ADCY3: variants seen among roughly 807,000 people sequenced by gnomAD.
ADCY3 encodes the protein adenylate cyclase 3, also known as adenylate cyclase type 3.
ADCY3 carries 70 observed loss-of-function variants against 119.4 expected under a neutral mutation model. The ratio of observed to expected loss-of-function variants is 0.59; its 90% confidence interval spans 0.48 to 0.72. The LOEUF is 0.72. Among genes scored for constraint, ADCY3 ranks in the 30% least tolerant of loss-of-function variants. ADCY3 has a pLI of 0.00. For synonymous variants in ADCY3, 672 were observed against 621.4 expected, an observed-to-expected ratio of 1.08 and a Z score of -1.21; for missense variants, 1,238 against 1,541.6, an observed-to-expected ratio of 0.80 and a Z score of 3.30.
intron 2 of ADCY3, among the ~76,000 whole-genome samples, chr2:24,879,603 T>A (rs907472792): frequency 2.0e-5 from 3 of 152,038 alleles, no homozygotes; most frequent in Admixed American, 6.6e-5. Flanking sequence ...TTTACAAGAA[T>A]CTTCATGTTC....
intron 2 of ADCY3, among the ~76,000 whole-genome samples, chr2:24,909,057 A>T (rs1057243904): frequency 1.3e-5 from 2 of 152,190 alleles, no homozygotes; most frequent in Non-Finnish European, 2.9e-5. Flanking sequence ...TCTTCTCCAG[A>T]TCTTGAGTAC....
rs1014914682 is a variant in ADCY3 at position 24,841,692 on chromosome 2, G to T, written c.957-25C>A. On this transcript the variant is annotated intron_variant, in intron 4 of 21. Coordinates refer to ENST00000679454, the MANE Select transcript of ADCY3 (RefSeq NM_004036.5). This position sits in a 1 kb window ranked among gnomAD's most constrained non-coding sequence, Gnocchi z 5.8. The stretch of plus-strand genomic sequence containing the variant: ...GCTGCATGAGGAAGGAACCGTGGGG[G>T]TGACGCTCCAGGCAGCCAGGTGTAC... 1.3e-6 allele frequency: 2 copies of T among 1,590,896 alleles called. No homozygotes were observed. The highest frequency in any genetic ancestry group is 2.7e-5 in the African/African-American group (2 of 74,584).
Position 24,834,444 on chromosome 2 carries a change from CAG to C in ADCY3, c.1967+39_1967+40del. 3 of 1,485,946 alleles carry C rather than the reference CAG, an allele frequency of 2.0e-6. No homozygotes were observed. Among genetic ancestry groups the C allele is most frequent in the South Asian group, 1.2e-5 (1 of 85,452 alleles). The allele number at this position is 1,485,946 out of a possible 1,614,324, so 92.0% of individuals were successfully genotyped here. On this transcript the variant is annotated intron_variant, in intron 11 of 21. Coordinates refer to ENST00000679454, the MANE Select transcript of ADCY3 (RefSeq NM_004036.5). The surrounding 1 kb of genome is among the most constrained non-coding windows in gnomAD (Gnocchi z 4.2). ...CCCCGCCCCCCGCCCGGCACCACCGCAGCCGAGGAAACTCGTGGCCCTCCCCG... is the reference window on the plus strand; with the variant it reads ...CCCCGCCCCCCGCCCGGCACCACCGCCCGAGGAAACTCGTGGCCCTCCCCG...
chr2:24,825,015 T>C (rs910123338), intron 16 of ADCY3, among the ~76,000 whole-genome samples: 1 of 152,138 alleles, frequency 6.6e-6, no homozygotes, highest in Admixed American at 6.5e-5. Context: ...GGCCACCCAA[T>C]AGTGGTGCGG....
chr2:24,819,885 AAAT>A lies in ADCY3; in HGVS notation c.*44_*46del. 2 of 1,590,798 alleles carry A rather than the reference AAAT, an allele frequency of 1.3e-6. No homozygotes were observed. Among genetic ancestry groups the A allele is most frequent in the Non-Finnish European group, 1.7e-6 (2 of 1,167,108 alleles). ...GGTCGGGACTTCCTTCAGTTTCAAA[AAAT>A]AAATTCTCCCTTCCGGTTTGGACTG... On this transcript the variant is annotated 3_prime_UTR_variant, in exon 22 of 22. Coordinates refer to ENST00000679454, the MANE Select transcript of ADCY3 (RefSeq NM_004036.5).
At chr2:24,850,592 C>T (rs745686598) in intron 3 of ADCY3, among the ~76,000 whole-genome samples, 7 of 152,206 alleles carry the variant, frequency 4.6e-5, no homozygotes, top group Non-Finnish European at 8.8e-5. Context: ...CTATACGTTT[C>T]AAGAGTCACA....
chr2:24,840,924 G>T (rs546561147), intron 6 of ADCY3, among the ~76,000 whole-genome samples: 1 of 152,232 alleles, frequency 6.6e-6, no homozygotes, highest in African/African-American at 2.4e-5. Context: ...GAGATGGGGA[G>T]CCCCTGTGGG....
intron 14 of ADCY3, 84 bp from the exon 15 acceptor site, chr2:24,827,692 C>G: frequency 6.8e-7 from 1 of 1,469,758 alleles, no homozygotes; most frequent in Non-Finnish European, 9.3e-7. Flanking sequence ...ATCCCAAGTC[C>G]TCCACTCGGG....
intron 3 of ADCY3, among the ~76,000 whole-genome samples, chr2:24,868,590 C>T (rs897508022): frequency 1.3e-5 from 2 of 151,910 alleles, no homozygotes; most frequent in African/African-American, 4.8e-5. Context: ...GCCTAGACTG[C>T]GCCACTGAAC....
chr2:24,828,262 C>A, intron 13 of ADCY3, 101 bp from the exon 14 acceptor site: 1 of 1,404,634 alleles, frequency 7.1e-7, no homozygotes, highest in South Asian at 1.4e-5. Context: ...TGCCACCTCC[C>A]GCGGCTCCCC....
intron 2 of ADCY3, among the ~76,000 whole-genome samples, chr2:24,886,365 TC>T (rs1677031953): frequency 6.6e-6 from 1 of 151,774 alleles, no homozygotes; most frequent in East Asian, 1.9e-4. Flanking sequence ...GCCTTCCGCC[TC>T]CCCCTCGAAA....
intron 18 of ADCY3, 70 bp from the exon 19 acceptor site, chr2:24,822,700 G>A (rs1200160196): frequency 1.9e-6 from 3 of 1,583,916 alleles, no homozygotes; most frequent in African/African-American, 1.3e-5. Context: ...AGTGACAGAT[G>A]TACCTGTTTA....
chr2:24,889,481 A>T (rs1677430275), intron 2 of ADCY3, among the ~76,000 whole-genome samples: 1 of 152,234 alleles, frequency 6.6e-6, no homozygotes, highest in South Asian at 2.1e-4. Flanking sequence ...GTATTTCTTC[A>T]GTACATATGC....
intron 3 of ADCY3, among the ~76,000 whole-genome samples, chr2:24,866,050 T>C (rs1674243889): frequency 6.6e-6 from 1 of 152,116 alleles, no homozygotes; most frequent in East Asian, 1.9e-4. Context: ...CTGTACACTA[T>C]TACCCTTTAG....
chr2:24,862,083 A>G (rs1673728154), intron 3 of ADCY3, among the ~76,000 whole-genome samples: 2 of 152,200 alleles, frequency 1.3e-5, no homozygotes, highest in Admixed American at 1.3e-4. Flanking sequence ...ATCCAGGTCC[A>G]AGATGACCAG....
At chr2:24,853,223 G>A (rs1672592363) in intron 3 of ADCY3, among the ~76,000 whole-genome samples, 1 of 152,106 alleles carries the variant, frequency 6.6e-6, no homozygotes, top group South Asian at 2.1e-4. Context: ...TGTGTTTTGA[G>A]GTGGAAATGG....
In ADCY3 at chr2:24,918,790, G is replaced by C; in HGVS notation, c.198C>G (p.Tyr66Ter). 6.2e-7 allele frequency: 1 copy of C among 1,613,976 alleles called. No individual in the cohort carries two copies. The highest frequency in any genetic ancestry group is 8.5e-7 in the Non-Finnish European group (1 of 1,180,034). The change falls in exon 2 of 22, where the codon TAC (tyrosine) becomes TAG (stop). Residue 66 changes from tyrosine to a stop codon, truncating the protein, a stop_gained. Coordinates refer to ENST00000679454, the MANE Select transcript of ADCY3 (RefSeq NM_004036.5). LOFTEE classifies it high-confidence loss of function. This position sits in a 1 kb window ranked among gnomAD's most constrained non-coding sequence, Gnocchi z 5.4. ...GGCGCTGCCTTTTGAAGTAGGTCTG[G>C]TAGAGGTTCTCCAAGGACTCCGGCA... ...TFVPESLENL[Y>*]QTYFKRQRHE...
chr2:24,917,026 C>T (rs1258316774), intron 2 of ADCY3, among the ~76,000 whole-genome samples: 1 of 152,248 alleles, frequency 6.6e-6, no homozygotes, highest in Non-Finnish European at 1.5e-5. Context: ...GGGCTAGATG[C>T]CCTGCCAGGC....
chr2:24,823,095 G>C, intron 18 of ADCY3, 114 bp downstream of exon 18: 1 of 1,320,670 alleles, frequency 7.6e-7, no homozygotes, highest in East Asian at 2.5e-5. Context: ...TATTGCGGAA[G>C]GGGCTTATCT....
Sources: allele counts gnomAD v4.1 joint callset (sites outside exome capture counted in the v4.1 genomes callset), GRCh38; gene constraint gnomAD v4.1.1; non-coding constraint Gnocchi (gnomAD v3.1); transcripts MANE v1.5; gene names NCBI Gene and HGNC (gene_info 2026-07-23, HGNC 2026-07-21).